Variants in LTAP1 observed in about 807,000 individuals in gnomAD.
LTAP1 encodes the protein HCV NS5A-transactivated protein 4.
chr1:154,210,775 C>T, the LTAP1 span, among the ~76,000 whole-genome samples: 1 of 152,072 alleles, frequency 6.6e-6, no homozygotes, highest in East Asian at 1.9e-4. Flanking sequence ...CTGCGCCCGG[C>T]CTAAGTTTTT....
chr1:154,211,324 CTTTTTTTT>C, the LTAP1 span, among the ~76,000 whole-genome samples: 3 of 34,038 alleles, frequency 8.8e-5, no homozygotes, highest in African/African-American at 2.7e-4. Context: ...TTATTTAATT[CTTTTTTTT>C]TTTTTTTTTT....
chr1:154,210,815 G>A, the LTAP1 span, among the ~76,000 whole-genome samples: 1 of 149,126 alleles, frequency 6.7e-6, no homozygotes, highest in East Asian at 1.9e-4. Flanking sequence ...TTCTCGCCAA[G>A]AACTTTGATT....
the LTAP1 span, chr1:154,219,836 C>G: frequency 6.2e-7 from 1 of 1,604,570 alleles, no homozygotes. Flanking sequence ...AAGGACCTAC[C>G]TTGGGGGCAT....
the LTAP1 span, chr1:154,208,342 C>T: frequency 6.5e-6 from 1 of 153,064 alleles, no homozygotes; most frequent in Non-Finnish European, 1.5e-5. Flanking sequence ...CTGCAGTGAG[C>T]CATGAATGTG....
chr1:154,218,840 T>A, the LTAP1 span, among the ~76,000 whole-genome samples: 2 of 152,198 alleles, frequency 1.3e-5, no homozygotes, highest in African/African-American at 4.8e-5. Flanking sequence ...AAAATTATGG[T>A]AAATGCTATG....
At chr1:154,220,013 C>T in the LTAP1 span, 2 of 1,227,846 alleles carry the variant, frequency 1.6e-6, no homozygotes, top group African/African-American at 3.1e-5. Context: ...AGCATGCCTT[C>T]ATTCCAAATC....
the LTAP1 span, chr1:154,207,271 T>A: frequency 3.6e-6 from 2 of 556,270 alleles, no homozygotes; most frequent in Non-Finnish European, 6.3e-6. Context: ...AAAATGCTCA[T>A]AAGGAAGGGT....
At chr1:154,219,838 T>G in the LTAP1 span, 1 of 1,605,292 alleles carries the variant, frequency 6.2e-7, no homozygotes, top group Non-Finnish European at 8.5e-7. Flanking sequence ...GGACCTACCT[T>G]GGGGGCATTG....
chr1:154,209,936 G>T, the LTAP1 span, among the ~76,000 whole-genome samples: 46,748 of 151,626 alleles, frequency 0.31, 8,794 homozygotes, highest in Admixed American at 0.47. Flanking sequence ...ATGATGCCCA[G>T]GTTGGTCTCA....
the LTAP1 span, chr1:154,220,300 G>C: frequency 1.2e-6 from 2 of 1,609,422 alleles, no homozygotes; most frequent in Middle Eastern, 1.7e-4. Context: ...TCTCTACTGG[G>C]TAAGATGCGA....
the LTAP1 span, chr1:154,219,960 C>A: frequency 6.5e-7 from 1 of 1,549,522 alleles, no homozygotes; most frequent in South Asian, 1.2e-5. Context: ...ATGTAAAAAT[C>A]CTTTAATAAA....
the LTAP1 span, among the ~76,000 whole-genome samples, chr1:154,209,999 T>A: frequency 6.6e-6 from 1 of 152,052 alleles, no homozygotes; most frequent in Non-Finnish European, 1.5e-5. Flanking sequence ...GTGTTGGGAT[T>A]ACAAGTACGA....
At chr1:154,207,280 G>A in the LTAP1 span, 6 of 604,738 alleles carry the variant, frequency 9.9e-6, no homozygotes, top group Non-Finnish European at 1.7e-5. Context: ...ATAAGGAAGG[G>A]TTGGGGAATT....
chr1:154,209,815 C>T, the LTAP1 span, among the ~76,000 whole-genome samples: 1 of 151,786 alleles, frequency 6.6e-6, no homozygotes, highest in African/African-American at 2.4e-5. Flanking sequence ...TGTTCCCGCT[C>T]TCCTGATTTC....
chr1:154,213,038 G>T, the LTAP1 span: 2,779 of 179,002 alleles, frequency 0.016, 45 homozygotes, highest in Non-Finnish European at 0.025. Flanking sequence ...TGGGCGCAGT[G>T]GCTCACGCCT....
At chr1:154,212,122 G>C in the LTAP1 span, 1 of 608,626 alleles carries the variant, frequency 1.6e-6, no homozygotes, top group Non-Finnish European at 2.9e-6. Context: ...CTCCCAAAGT[G>C]CTGGGATTAT....
the LTAP1 span, chr1:154,213,912 C>T: frequency 6.2e-7 from 1 of 1,613,104 alleles, no homozygotes; most frequent in Non-Finnish European, 8.5e-7. Flanking sequence ...GAATGGCATC[C>T]AGAGCTTTCA....
the LTAP1 span, chr1:154,219,974 T>A: frequency 2.7e-6 from 4 of 1,494,908 alleles, no homozygotes; most frequent in Admixed American, 6.7e-5. Flanking sequence ...TAATAAAAAG[T>A]CAGTTTTGTT....
At chr1:154,208,798 T>C in the LTAP1 span, among the ~76,000 whole-genome samples, 2 of 152,236 alleles carry the variant, frequency 1.3e-5, no homozygotes, top group Non-Finnish European at 2.9e-5. Context: ...TTGCTCAGGC[T>C]GGAGTGCAGT....
Sources: gnomAD v4.1 joint callset for allele counts (sites outside exome capture counted in the v4.1 genomes callset) on GRCh38, gnomAD v4.1.1 for gene constraint, MANE v1.5 for transcripts, NCBI Gene and HGNC (gene_info 2026-07-23, HGNC 2026-07-21) for gene names.